The following HNRNPR variants were observed in gnomAD, a reference collection of about 807,000 sequenced individuals.
HNRNPR encodes heterogeneous nuclear ribonucleoprotein R.
HNRNPR carries 4 observed loss-of-function variants against 70.3 expected under a neutral mutation model. The observed-to-expected ratio is 0.06, with a 90% CI of 0.03 to 0.13. HNRNPR has a LOEUF of 0.13. Ranked by LOEUF, HNRNPR falls within the 10% of genes least tolerant of loss-of-function variation. The pLI is 1.00. For missense variants in HNRNPR, 423 were observed against 788.5 expected, an observed-to-expected ratio of 0.54 and a Z score of 5.55; for synonymous variants, 241 against 267.6, an observed-to-expected ratio of 0.90 and a Z score of 0.97.
Position 23,310,707 on chromosome 1 carries a change from G to A in HNRNPR, c.1649C>T (p.Ala550Val). The A allele has an allele frequency of 6.2e-7, 1 of 1,613,440 alleles. No homozygotes were observed. Among genetic ancestry groups the A allele is most frequent in the Non-Finnish European group, 8.5e-7 (1 of 1,179,728 alleles). The change falls in exon 11 of 11, where the codon GCT becomes GTT. Residue 550 changes from alanine to valine, a missense_variant. Transcript: ENST00000302271. This position sits in a 1 kb window ranked among gnomAD's most constrained non-coding sequence, Gnocchi z 6.0. The part of the protein sequence containing the change: ...RGSRGGRGGP[A>V]QQQRGRGSRG... Reference sequence around the variant, plus strand: ...GGAACCACGGCCTCTCTGCTGTTGAGCAGGACCCCCTCTGCCACCCCTAGA... The same window carrying A: ...GGAACCACGGCCTCTCTGCTGTTGAACAGGACCCCCTCTGCCACCCCTAGA...
chr1:23,324,601 C>T (rs1307364958), intron 5 of HNRNPR, among the ~76,000 whole-genome samples: 4 of 152,004 alleles, frequency 2.6e-5, no homozygotes, highest in African/African-American at 7.2e-5. Flanking sequence ...AAAGCAATCT[C>T]AATATTTTTC....
Position 23,307,940 on chromosome 1 carries a change from TAA to T in HNRNPR, c.*2512_*2513del, listed in dbSNP as rs2148290281. Reference sequence around the variant, plus strand: ...AAAAAAAAAAAATGCCAATCTAGAATAAAGACCTCCCTCAACTGACATTTTTC... The same window carrying T: ...AAAAAAAAAAAATGCCAATCTAGAATAGACCTCCCTCAACTGACATTTTTC... On this transcript the variant is annotated 3_prime_UTR_variant, in exon 11 of 11. Transcript: ENST00000302271. 1 of 151,902 alleles carries T rather than the reference TAA, an allele frequency of 6.6e-6. No homozygotes were observed. The highest frequency in any genetic ancestry group is 1.9e-4 in the East Asian group (1 of 5,178). The allele number at this position is 151,902 out of a possible 1,614,324, so 9.4% of individuals were successfully genotyped here. A position where few individuals can be genotyped will look rare whatever the true frequency, so the allele number is the denominator to read the frequency against.
At chr1:23,319,299 G>C (rs1002569255) in intron 7 of HNRNPR, among the ~76,000 whole-genome samples, 6 of 152,084 alleles carry the variant, frequency 3.9e-5, no homozygotes, top group African/African-American at 1.4e-4. Flanking sequence ...GTTCTTACCC[G>C]ATGTATCCTC....
At chr1:23,321,424 C>T (rs1012118344) in intron 7 of HNRNPR, 104 bp downstream of exon 7, 17 of 953,994 alleles carry the variant, frequency 1.8e-5, no homozygotes, top group Non-Finnish European at 2.6e-5. Context: ...TACTTCAGAC[C>T]TGAATTCTTA....
chr1:23,311,092 G>GA (rs1303948709), intron 10 of HNRNPR, 26 bp from the exon 11 acceptor site: 10 of 1,606,894 alleles, frequency 6.2e-6, no homozygotes, highest in African/African-American at 1.3e-5. Flanking sequence ...AGGGAGAAAA[G>GA]AAAAAACAAA....
At chr1:23,331,308 T>C (rs193280273) in intron 5 of HNRNPR, among the ~76,000 whole-genome samples, 2 of 150,072 alleles carry the variant, frequency 1.3e-5, no homozygotes, top group East Asian at 3.9e-4. Context: ...ACGCCTGTAA[T>C]CCCAGCATTT....
At chr1:23,343,029 G>A (rs1383787603) in intron 1 of HNRNPR, among the ~76,000 whole-genome samples, 1 of 152,034 alleles carries the variant, frequency 6.6e-6, no homozygotes, top group Non-Finnish European at 1.5e-5. Context: ...CTCTCTTCAA[G>A]CCAAATACAA....
chr1:23,314,001 A>G (rs1157906126), intron 8 of HNRNPR, among the ~76,000 whole-genome samples: 1 of 152,170 alleles, frequency 6.6e-6, no homozygotes, highest in African/African-American at 2.4e-5. Context: ...GTCCCTTTCA[A>G]AACAAGTTTT....
chr1:23,330,918 A>T (rs947322090), intron 5 of HNRNPR, among the ~76,000 whole-genome samples: 6 of 152,196 alleles, frequency 3.9e-5, no homozygotes, highest in African/African-American at 1.4e-4. Flanking sequence ...CAACATCAAA[A>T]ATCACAATTA....
At chr1:23,329,942 T>C (rs1646147889) in intron 5 of HNRNPR, among the ~76,000 whole-genome samples, 1 of 152,176 alleles carries the variant, frequency 6.6e-6, no homozygotes, top group African/African-American at 2.4e-5. Context: ...ACAGAGTCTT[T>C]TGGGTATCTA....
chr1:23,311,327 A>C lies in HNRNPR; in HGVS notation c.1168-5T>G. 6.6e-7 allele frequency: 1 copy of C among 1,517,838 alleles called. No homozygotes were observed. Among genetic ancestry groups the C allele is most frequent in the Non-Finnish European group, 9.1e-7 (1 of 1,100,082 alleles). The allele number at this position is 1,517,838 out of a possible 1,614,324, so 94.0% of individuals were successfully genotyped here. A position where few individuals can be genotyped will look rare whatever the true frequency, so the allele number is the denominator to read the frequency against. ...GCCATTCATTTCATCCATAGCCTAT[A>C]AAAAATTAGAAAAATTATTTTACAA... On this transcript the variant is annotated splice_polypyrimidine_tract_variant and splice_region_variant and intron_variant, in intron 9 of 10. Coordinates refer to ENST00000302271, the MANE Select transcript of HNRNPR (RefSeq NM_005826.5).
intron 4 of HNRNPR, among the ~76,000 whole-genome samples, chr1:23,334,299 C>G (rs528110211): frequency 6.9e-6 from 1 of 145,136 alleles, no homozygotes; most frequent in South Asian, 2.2e-4. Context: ...TGCAGTAGCG[C>G]GATCTCGGCT....
Position 23,323,092 on chromosome 1 carries a change from G to T in HNRNPR, c.675+464C>A, listed in dbSNP as rs1054125517. Among the ~76,000 whole-genome samples, 4 of 152,122 alleles carry T rather than the reference G, an allele frequency of 2.6e-5. No individual in the cohort carries two copies. In the East Asian group the frequency reaches 7.7e-4, roughly 29 times the overall value. On this transcript the variant is annotated intron_variant, in intron 6 of 10. Coordinates refer to ENST00000302271, the MANE Select transcript of HNRNPR (RefSeq NM_005826.5). The stretch of plus-strand genomic sequence containing the variant: ...ACACTTAGAAAATATGAAATAAATC[G>T]TATGAGTAGGCTGTAACCAAAATAA...
At chr1:23,329,069 T>C (rs955754143) in intron 5 of HNRNPR, among the ~76,000 whole-genome samples, 19 of 152,182 alleles carry the variant, frequency 1.2e-4, no homozygotes, top group African/African-American at 4.6e-4. Flanking sequence ...TGCAGTGAGC[T>C]ACGATTGTGC....
In HNRNPR at chr1:23,313,569, C is replaced by T; in HGVS notation, c.1151G>A (p.Arg384Lys). 1 of 1,561,482 alleles carries T rather than the reference C, an allele frequency of 6.4e-7. No individual in the cohort carries two copies. Among genetic ancestry groups the T allele is most frequent in the Non-Finnish European group, 8.6e-7 (1 of 1,163,210 alleles). ...KDYAFVHFED[R>K]GAAVKAMDEM... ...AATTCCTACCTTAACAGCTGCTCCTCTGTCTTCAAAATGAACAAATGCATA... is the reference window on the plus strand; with the variant it reads ...AATTCCTACCTTAACAGCTGCTCCTTTGTCTTCAAAATGAACAAATGCATA... Residue 384 changes from arginine to lysine, a missense_variant, in exon 9 of 11, where the codon AGA becomes AAA. Transcript: ENST00000302271.
rs754910988 is a variant in HNRNPR at position 23,311,101 on chromosome 1, A to C, written c.1290-35T>G. 2.5e-6 allele frequency: 4 copies of C among 1,608,916 alleles called. No individual in the cohort carries two copies. The Admixed American group carries it at 5.1e-5, about 20-fold the overall frequency. On this transcript the variant is annotated intron_variant, in intron 10 of 10. Transcript: ENST00000302271. The stretch of plus-strand genomic sequence containing the variant: ...TAGAGAAGGGAGAAAAGAAAAAACA[A>C]ATCAGTTTGCTTCAAGACTCTGATT...
chr1:23,340,037 A>C (rs928880885), intron 2 of HNRNPR, among the ~76,000 whole-genome samples: 3 of 85,944 alleles, frequency 3.5e-5, no homozygotes, highest in African/African-American at 1.4e-4. Flanking sequence ...TTTTAAGGAC[A>C]AAAAAAAAAA....
At chr1:23,337,311 T>C (rs970677869) in intron 4 of HNRNPR, among the ~76,000 whole-genome samples, 3 of 152,168 alleles carry the variant, frequency 2.0e-5, no homozygotes, top group African/African-American at 4.8e-5. Context: ...CCCAAAATTA[T>C]CCTTCTTATG....
At position 23,306,261 on chromosome 1, in the gene HNRNPR, A is replaced by G. The variant is rs1645201072; in HGVS notation, c.*4193T>C. On this transcript the variant is annotated 3_prime_UTR_variant, in exon 11 of 11. Coordinates refer to ENST00000302271, the MANE Select transcript of HNRNPR (RefSeq NM_005826.5). ...ATTTAAAAGTAAGTGAAGTGTTATT[A>G]TATGTTCCTATTAAGAACAAAATAA... 1 of 152,158 alleles carries G rather than the reference A, an allele frequency of 6.6e-6. No individual in the cohort carries two copies. Among genetic ancestry groups the G allele is most frequent in the Non-Finnish European group, 1.5e-5 (1 of 68,028 alleles). 9.4% of individuals were successfully genotyped at this position (152,158 alleles called of 1,614,324 possible).
Sources: gnomAD v4.1 joint callset for allele counts (sites outside exome capture counted in the v4.1 genomes callset) on GRCh38, gnomAD v4.1.1 for gene constraint, Gnocchi (gnomAD v3.1) non-coding constraint, MANE v1.5 for transcripts, NCBI Gene and HGNC (gene_info 2026-07-23, HGNC 2026-07-21) for gene names.